Variants in ZMYM2 observed in about 807,000 individuals in gnomAD.
ZMYM2 encodes zinc finger MYM-type containing 2.
In ZMYM2, 56 loss-of-function variants were observed where a neutral mutation model predicts 162.8. The ratio of observed to expected loss-of-function variants is 0.34; its 90% confidence interval spans 0.28 to 0.43. ZMYM2 has a LOEUF of 0.43. ZMYM2 is among the 20% of genes least tolerant of loss of function. The pLI, the probability that ZMYM2 is intolerant of heterozygous loss-of-function variation, is 1.00. For missense variants in ZMYM2, 1,275 were observed against 1,621.8 expected, an observed-to-expected ratio of 0.79 and a Z score of 3.67; for synonymous variants, 510 against 541.6, an observed-to-expected ratio of 0.94 and a Z score of 0.81.
chr13:20,054,186 C>G (rs981396354), intron 14 of ZMYM2, among the ~76,000 whole-genome samples: 1 of 152,202 alleles, frequency 6.6e-6, no homozygotes, highest in African/African-American at 2.4e-5. Context: ...AGGAGCTTAG[C>G]TGTATAATTT....
the ZMYM2 span, among the ~76,000 whole-genome samples, chr13:19,872,140 C>T: frequency 1.4e-5 from 2 of 140,620 alleles, no homozygotes; most frequent in African/African-American, 2.6e-5. Flanking sequence ...TGGCTAAGTT[C>T]TTTTTTTTTT....
chr13:20,037,241 A>T (rs9509012), intron 12 of ZMYM2, among the ~76,000 whole-genome samples: 10 of 126,730 alleles, frequency 7.9e-5, no homozygotes, highest in African/African-American at 2.6e-4. Flanking sequence ...TTTTTTTGAG[A>T]TGAAATCTCT....
At chr13:20,031,146 C>CT (rs1953090047) in intron 9 of ZMYM2, among the ~76,000 whole-genome samples, 173 bp from the exon 10 acceptor site, 2 of 152,022 alleles carry the variant, frequency 1.3e-5, no homozygotes, top group Admixed American at 6.5e-5. Context: ...TTTTATAAAA[C>CT]TAACATATAC....
rs545311476 is a variant in ZMYM2 at position 20,065,966 on chromosome 13, C to T, written c.3133-885C>T. ...TTGAAAAGTTCTTCAGTTTCTGTTA[C>T]AGTAATATTTAGATTATTAGTTTAT... On this transcript the variant is annotated intron_variant, in intron 19 of 24. Coordinates refer to ENST00000610343, the MANE Select transcript of ZMYM2 (RefSeq NM_197968.4). Among the ~76,000 whole-genome samples the T allele has an allele frequency of 6.6e-5, 10 of 152,306 alleles. No individual in the cohort carries two copies. In the East Asian group the frequency reaches 1.9e-3, roughly 29 times the overall value.
In ZMYM2 at chr13:20,088,889, C is replaced by G. The variant is rs1958414625; in HGVS notation, c.*2875C>G. The G allele has an allele frequency of 5.1e-6, 1 of 196,748 alleles. No homozygotes were observed. Among genetic ancestry groups the G allele is most frequent in the Non-Finnish European group, 1.1e-5 (1 of 94,814 alleles). 12.2% of individuals were successfully genotyped at this position (196,748 alleles called of 1,614,324 possible). A position where few individuals can be genotyped will look rare whatever the true frequency, so the allele number is the denominator to read the frequency against. On this transcript the variant is annotated 3_prime_UTR_variant, in exon 25 of 25. Transcript: ENST00000610343. ...AAATTGCAAGTTTTGGTTTGCATTACTCTAATGTGGGTTCATTTAATCTGA... is the reference window on the plus strand; with the variant it reads ...AAATTGCAAGTTTTGGTTTGCATTAGTCTAATGTGGGTTCATTTAATCTGA...
At chr13:20,067,190 A>G (rs1235648833) in intron 20 of ZMYM2, 49 bp from the exon 21 acceptor site, 1 of 1,479,364 alleles carries the variant, frequency 6.8e-7, no homozygotes, top group Non-Finnish European at 9.1e-7. Flanking sequence ...TCTTAACCTT[A>G]ATAAGACGCT....
intron 16 of ZMYM2, among the ~76,000 whole-genome samples, 175 bp downstream of exon 16, chr13:20,059,737 A>G (rs1354337863): frequency 2.0e-5 from 3 of 151,666 alleles, no homozygotes; most frequent in African/African-American, 7.3e-5. Flanking sequence ...CAGGTTCCAC[A>G]TCCGTGACCA....
Position 20,033,606 on chromosome 13 carries a change from A to G in ZMYM2, c.1969-648A>G, listed in dbSNP as rs142266355. Among the ~76,000 whole-genome samples the G allele has an allele frequency of 1.4e-3, 209 of 152,378 alleles. 1 individual carries two copies. The highest frequency in any genetic ancestry group is 4.7e-3 in the African/African-American group (194 of 41,588). On this transcript the variant is annotated intron_variant, in intron 10 of 24. Coordinates refer to ENST00000610343, the MANE Select transcript of ZMYM2 (RefSeq NM_197968.4). Reference sequence around the variant, plus strand: ...TTAGACTTAGTCTGTAGCCTGCTCAATAATGAGAGAAAAGCTGCCTCCCTG... The same window carrying G: ...TTAGACTTAGTCTGTAGCCTGCTCAGTAATGAGAGAAAAGCTGCCTCCCTG...
chr13:19,928,883 G>A, the ZMYM2 span, among the ~76,000 whole-genome samples: 3 of 152,032 alleles, frequency 2.0e-5, no homozygotes, highest in Non-Finnish European at 4.4e-5. Context: ...GACCTCAGGC[G>A]TTCCACCCAC....
intron 7 of ZMYM2, chr13:20,025,876 A>T (rs1229774353): frequency 1.3e-5 from 2 of 152,232 alleles, no homozygotes; most frequent in African/African-American, 4.8e-5. Flanking sequence ...ATCTACATAT[A>T]TCTAAACATA....
chr13:19,899,112 G>A, the ZMYM2 span, among the ~76,000 whole-genome samples: 7 of 151,588 alleles, frequency 4.6e-5, no homozygotes, highest in African/African-American at 9.7e-5. Flanking sequence ...GCCACCACAC[G>A]GGGGTAATTT....
chr13:19,873,819 G>C, the ZMYM2 span, among the ~76,000 whole-genome samples: 1 of 152,290 alleles, frequency 6.6e-6, no homozygotes, highest in South Asian at 2.1e-4. Flanking sequence ...CTGCTCTCAG[G>C]AAGGCAGAAA....
In ZMYM2 at chr13:20,026,667, A is replaced by G; in HGVS notation, c.1640A>G (p.Asp547Gly). The change falls in exon 8 of 25, where the codon GAT (aspartate) becomes GGT (glycine). Residue 547 changes from aspartate (D) to glycine (G), a missense_variant. Around this residue, in one of 10 missense-constraint regions of ZMYM2, gnomAD observed 276 missense variants for 311.8 expected, o/e 0.89. Transcript: ENST00000610343. ...TGCCGAACACAGTGCAGGTTTTTTG[A>G]TATGACTCAGTGTATAGGTCCTAAT... ...TGCRTQCRFFDMTQCIGPNGY... is the reference protein window; with the variant it reads ...TGCRTQCRFFGMTQCIGPNGY... 1 of 1,610,806 alleles carries G rather than the reference A, an allele frequency of 6.2e-7. No homozygotes were observed. The highest frequency in any genetic ancestry group is 8.5e-7 in the Non-Finnish European group (1 of 1,179,176).
chr13:19,968,976 A>G (rs1416358763), intron 2 of ZMYM2, among the ~76,000 whole-genome samples: 1 of 152,232 alleles, frequency 6.6e-6, no homozygotes, highest in Non-Finnish European at 1.5e-5. Context: ...GCATATCACA[A>G]AGGACACTTC....
intron 22 of ZMYM2, 119 bp from the exon 23 acceptor site, chr13:20,082,662 C>G (rs1033014156): frequency 5.8e-6 from 5 of 858,626 alleles, no homozygotes; most frequent in Non-Finnish European, 8.6e-6. Context: ...TCTAGTTGAT[C>G]TAATATGAAA....
chr13:20,086,059 G>T lies in ZMYM2; in HGVS notation c.*45G>T. 6.4e-7 allele frequency: 1 copy of T among 1,553,548 alleles called. No homozygotes were observed. Among genetic ancestry groups the T allele is most frequent in the Non-Finnish European group, 8.8e-7 (1 of 1,135,640 alleles). On this transcript the variant is annotated 3_prime_UTR_variant, in exon 25 of 25. Transcript: ENST00000610343. The stretch of plus-strand genomic sequence containing the variant: ...AATCGGGATAAAACAGCATTAGATA[G>T]TCATGCTGCTAGATCTTTATTATGG...
the ZMYM2 span, among the ~76,000 whole-genome samples, chr13:19,892,233 A>C: frequency 6.6e-6 from 1 of 151,374 alleles, no homozygotes; most frequent in Admixed American, 6.6e-5. Flanking sequence ...GTGAGCCACC[A>C]CTCTCAGACT....
chr13:19,898,070 C>T, the ZMYM2 span, among the ~76,000 whole-genome samples: 4 of 152,130 alleles, frequency 2.6e-5, no homozygotes, highest in African/African-American at 9.7e-5. Flanking sequence ...ATGGGAAATT[C>T]TCCAAGGATA....
chr13:19,926,386 A>G, the ZMYM2 span, among the ~76,000 whole-genome samples: 2 of 123,520 alleles, frequency 1.6e-5, no homozygotes, highest in African/African-American at 3.3e-5. Context: ...TTTTTTTAGT[A>G]AGAGTCTCAT....
Sources: allele counts gnomAD v4.1 joint callset (sites outside exome capture counted in the v4.1 genomes callset), GRCh38; gene constraint gnomAD v4.1.1; regional missense constraint gnomAD v4.1.1; transcripts MANE v1.5; gene names NCBI Gene and HGNC (gene_info 2026-07-23, HGNC 2026-07-21).